Variants in SMG1 observed in about 807,000 individuals in gnomAD.
SMG1 encodes serine/threonine-protein kinase SMG1.
In SMG1, 22 loss-of-function variants were observed where a neutral mutation model predicts 419.9. That is an observed-to-expected ratio of 0.05 (90% CI 0.04 to 0.07). The LOEUF (loss-of-function observed/expected upper bound fraction) is 0.07. Among genes scored for constraint, SMG1 ranks in the 10% least tolerant of loss-of-function variants. The probability of loss-of-function intolerance (pLI) is 1.00; values close to 1 mark genes in which losing one functional copy is unlikely to be tolerated. For missense variants in SMG1, 3,185 were observed against 4,342.0 expected, an observed-to-expected ratio of 0.73 and a Z score of 7.49; for synonymous variants, 1,538 against 1,553.5, an observed-to-expected ratio of 0.99 and a Z score of 0.23.
chr16:18,816,658 A>G (rs1015836286), intron 57 of SMG1, 129 bp from the exon 58 acceptor site: 18 of 679,818 alleles, frequency 2.6e-5, no homozygotes, highest in Non-Finnish European at 4.2e-5. Context: ...CTAAGTCATG[A>G]ATTAATTACC....
At chr16:18,861,113 T>A in intron 25 of SMG1, 1 of 180,956 alleles carries the variant, frequency 5.5e-6, no homozygotes, top group Non-Finnish European at 1.1e-5. Flanking sequence ...CAGGACAACT[T>A]TGACACCCAG....
intron 1 of SMG1, among the ~76,000 whole-genome samples, chr16:18,915,024 T>C (rs2037919137): frequency 6.6e-6 from 1 of 151,132 alleles, no homozygotes; most frequent in African/African-American, 2.4e-5. Context: ...CTCCACTCAC[T>C]GCAACGGCAT....
At chr16:18,917,699 T>C (rs2038031317) in intron 1 of SMG1, among the ~76,000 whole-genome samples, 1 of 150,756 alleles carries the variant, frequency 6.6e-6, no homozygotes, top group Non-Finnish European at 1.5e-5. Flanking sequence ...TGCCTCAGCC[T>C]CCCGAGTAGC....
At chr16:18,872,097 T>A in intron 15 of SMG1, 87 bp downstream of exon 15, 1 of 807,090 alleles carries the variant, frequency 1.2e-6, no homozygotes, top group Non-Finnish European at 1.8e-6. Flanking sequence ...TTTTTAAAAA[T>A]TTTTTGTAAT....
In SMG1 at chr16:18,839,772, T is replaced by C. The variant is rs767849748; in HGVS notation, c.6871A>G (p.Thr2291Ala). ...TCTTTGGCAAGGAGATTCGGGGGTG[T>C]GGCCTCCATTAACTCTTCCAATACT... Reference protein sequence around the residue: ...KAVLEELMEATPPNLLAKELW... With the variant: ...KAVLEELMEAAPPNLLAKELW... The change falls in exon 42 of 63, where the codon ACA (threonine) becomes GCA (alanine). Residue 2291 changes from threonine to alanine, a missense_variant. By Grantham distance (58) the Thr-to-Ala change is moderately conservative (BLOSUM62 0). Around this residue, in one of 27 missense-constraint regions of SMG1, gnomAD observed 132 missense variants for 151.0 expected, o/e 0.87. Coordinates refer to ENST00000446231, the MANE Select transcript of SMG1 (RefSeq NM_015092.5). The C allele has an allele frequency of 6.2e-7, 1 of 1,613,970 alleles. No homozygotes were observed. The highest frequency in any genetic ancestry group is 1.3e-5 in the African/African-American group (1 of 75,030).
intron 48 of SMG1, 60 bp downstream of exon 48, chr16:18,835,873 T>C (rs1307841596): frequency 6.7e-7 from 1 of 1,487,588 alleles, no homozygotes; most frequent in African/African-American, 1.4e-5. Context: ...CACTCCAGCC[T>C]GGGTGACAGA....
chr16:18,815,053 A>C, intron 60 of SMG1, 122 bp downstream of exon 60: 2 of 672,742 alleles, frequency 3.0e-6, no homozygotes. Context: ...AAATCTGTTC[A>C]GTTTAAGATT....
chr16:18,830,144 T>C (rs2033066833), intron 52 of SMG1, 29 bp from the exon 53 acceptor site: 1 of 1,602,286 alleles, frequency 6.2e-7, no homozygotes, highest in East Asian at 2.2e-5. Context: ...ACAAAGTTCA[T>C]TTCTCCACTC....
chr16:18,846,101 A>T (rs2034249289), intron 38 of SMG1, among the ~76,000 whole-genome samples: 1 of 152,182 alleles, frequency 6.6e-6, no homozygotes, highest in Non-Finnish European at 1.5e-5. Context: ...GGTATGAGTC[A>T]CCGTGTCCAG....
chr16:18,877,417 G>A, intron 11 of SMG1, 185 bp from the exon 12 acceptor site: 1 of 459,126 alleles, frequency 2.2e-6, no homozygotes, highest in Non-Finnish European at 4.0e-6. Context: ...GGATTGCCAT[G>A]GGCTTAAGAT....
chr16:18,907,787 G>C (rs1030982089), intron 1 of SMG1, among the ~76,000 whole-genome samples: 1 of 138,924 alleles, frequency 7.2e-6, no homozygotes, highest in South Asian at 2.4e-4. Context: ...GGGAGGCAGA[G>C]GTTGTAGTGA....
intron 41 of SMG1, among the ~76,000 whole-genome samples, chr16:18,840,880 G>A (rs369009062): frequency 2.0e-5 from 3 of 152,210 alleles, no homozygotes; most frequent in East Asian, 3.9e-4. Flanking sequence ...TAAACCCAAT[G>A]CCATCACTTT....
rs749197007 is a variant in SMG1 at position 18,887,516 on chromosome 16, C to CTTTGTTTTTTTTTTTTTTTTTTT, written c.823-1851_823-1850insAAAAAAAAAAAAAAAAAAACAAA. 3.6e-5 allele frequency among the ~76,000 whole-genome samples: 4 copies of CTTTGTTTTTTTTTTTTTTTTTTT among 110,124 alleles called. 1 individual carries two copies. Among genetic ancestry groups the CTTTGTTTTTTTTTTTTTTTTTTT allele is most frequent in the Non-Finnish European group, 3.7e-5 (2 of 54,770 alleles). The allele number at this position is 110,124 out of a possible 152,430, so 72.2% of individuals were successfully genotyped here. A position where few individuals can be genotyped will look rare whatever the true frequency, so the allele number is the denominator to read the frequency against. ...ACCACGCCCGACTTATTTTTTTTTC[C>CTTTGTTTTTTTTTTTTTTTTTTT]TTTTTTTTTTTTTTTTTAATAGAAA... On this transcript the variant is annotated intron_variant, in intron 6 of 62. Transcript: ENST00000446231.
intron 1 of SMG1, among the ~76,000 whole-genome samples, chr16:18,914,057 C>G (rs12930506): frequency 0.095 from 14,416 of 151,660 alleles, 763 homozygotes; most frequent in Middle Eastern, 0.17. Context: ...ATCCCAGCTA[C>G]TCAGGAGGCC....
chr16:18,854,735 T>C lies in SMG1; in HGVS notation c.4404A>G (p.Lys1468=). ...CATCCACTTGACCTTGGGTTGATAG[T>C]TTTTTAAAATGTTGGACTAAATCCT... ...TAQDLVQHFK[K]LSTQGQVDEK... Residue 1468 remains lysine, a synonymous_variant, in exon 30 of 63, where the codon AAA becomes AAG. Coordinates refer to ENST00000446231, the MANE Select transcript of SMG1 (RefSeq NM_015092.5). The C allele has an allele frequency of 1.2e-6, 2 of 1,613,996 alleles. No individual in the cohort carries two copies. Among genetic ancestry groups the C allele is most frequent in the Non-Finnish European group, 1.7e-6 (2 of 1,179,880 alleles).
chr16:18,895,972 T>C, intron 3 of SMG1, 80 bp downstream of exon 3: 4 of 1,261,128 alleles, frequency 3.2e-6, no homozygotes, highest in Non-Finnish European at 4.6e-6. Flanking sequence ...TGCAAGGCGT[T>C]AGTAAGAGGC....
intron 1 of SMG1, among the ~76,000 whole-genome samples, chr16:18,919,064 T>A (rs1313586139): frequency 1.3e-5 from 2 of 151,240 alleles, no homozygotes; most frequent in Non-Finnish European, 2.9e-5. Context: ...CAGTAGCTTA[T>A]GCCTGTAATC....
intron 22 of SMG1, among the ~76,000 whole-genome samples, chr16:18,867,526 AAAATAAAT>A (rs139133406): frequency 0.014 from 2,017 of 142,120 alleles, 56 homozygotes; most frequent in African/African-American, 0.048. Flanking sequence ...TGTGTCTCAA[AAAATAAAT>A]AAATAAATAA....
At chr16:18,815,753 G>A (rs983105274) in intron 58 of SMG1, 102 bp from the exon 59 acceptor site, 9 of 994,926 alleles carry the variant, frequency 9.0e-6, no homozygotes, top group African/African-American at 1.6e-5. Context: ...TCAAATATGA[G>A]TGTGTTTAAA....
Sources: gnomAD v4.1 joint callset for allele counts (sites outside exome capture counted in the v4.1 genomes callset) on GRCh38, gnomAD v4.1.1 for gene constraint, gnomAD v4.1.1 regional missense constraint, MANE v1.5 for transcripts, NCBI Gene and HGNC (gene_info 2026-07-23, HGNC 2026-07-21) for gene names.